Variants in OXR1 observed in about 807,000 individuals in gnomAD.
OXR1 encodes the protein oxidation resistance 1.
Under a neutral mutation model 104.6 loss-of-function variants are expected in OXR1, and 41 were observed. The ratio of observed to expected loss-of-function variants is 0.39; its 90% CI spans 0.31 to 0.51. OXR1 has a LOEUF of 0.51. Ranked by LOEUF, OXR1 falls within the 20% of genes least tolerant of loss-of-function variation. The probability of loss-of-function intolerance (pLI) is 0.77; values close to 1 mark genes in which losing one functional copy is unlikely to be tolerated. For missense variants in OXR1, 955 were observed against 1,031.9 expected, an observed-to-expected ratio of 0.93 and a Z score of 1.02; for synonymous variants, 348 against 348.4, an observed-to-expected ratio of 1.00 and a Z score of 0.01.
chr8:106,501,843 A>T (rs754659533), intron 2 of OXR1, among the ~76,000 whole-genome samples: 3 of 152,200 alleles, frequency 2.0e-5, no homozygotes, highest in Non-Finnish European at 4.4e-5. Context: ...GTATTCTTAG[A>T]ATATTATTCT....
chr8:106,310,895 A>G (rs951441934), intron 1 of OXR1, among the ~76,000 whole-genome samples: 1 of 152,052 alleles, frequency 6.6e-6, no homozygotes, highest in African/African-American at 2.4e-5. Context: ...TTTGTGCCTC[A>G]GGTTGGATCA....
intron 1 of OXR1, chr8:106,272,642 C>T (rs868093503): frequency 6.6e-6 from 1 of 152,202 alleles, no homozygotes; most frequent in Non-Finnish European, 1.5e-5. Flanking sequence ...ATGGCCAGGG[C>T]ATGTCTTCTT....
intron 3 of OXR1, among the ~76,000 whole-genome samples, chr8:106,645,800 G>A (rs1824025430): frequency 6.6e-6 from 1 of 152,170 alleles, no homozygotes; most frequent in Non-Finnish European, 1.5e-5. Flanking sequence ...ATTATGTACA[G>A]CACTTAGGAG....
intron 3 of OXR1, among the ~76,000 whole-genome samples, chr8:106,604,408 G>A (rs138287856): frequency 7.1e-4 from 108 of 152,066 alleles, no homozygotes; most frequent in African/African-American, 2.5e-3. Context: ...CACCCGCCTC[G>A]GCCTCCCAAA....
rs566688212 is a variant in OXR1 at position 106,596,333 on chromosome 8, C to T, written c.220+77194C>T. ...TGGTGGTGTGTGTCTGTAATCCCTG[C>T]TACTTGGGAGGCTGAGGCATGAGAA... On this transcript the variant is annotated intron_variant, in intron 3 of 16. Coordinates refer to ENST00000517566, the MANE Select transcript of OXR1 (RefSeq NM_001198533.2). Among the ~76,000 whole-genome samples the T allele has an allele frequency of 2.6e-5, 4 of 152,032 alleles. No individual in the cohort carries two copies. In the South Asian group the frequency reaches 8.3e-4, roughly 32 times the overall value.
At chr8:106,469,904 A>G (rs1293559369) in intron 2 of OXR1, among the ~76,000 whole-genome samples, 1 of 151,804 alleles carries the variant, frequency 6.6e-6, no homozygotes, top group African/African-American at 2.4e-5. Context: ...GTGCAAATGA[A>G]GTGAAACAAA....
At chr8:106,465,750 A>G (rs1398554158) in intron 2 of OXR1, among the ~76,000 whole-genome samples, 1 of 151,982 alleles carries the variant, frequency 6.6e-6, no homozygotes, top group Non-Finnish European at 1.5e-5. Flanking sequence ...TATGAGAAAC[A>G]TCATGACCTG....
intron 16 of OXR1, among the ~76,000 whole-genome samples, chr8:106,750,290 T>C (rs980665418): frequency 2.0e-5 from 3 of 151,290 alleles, no homozygotes; most frequent in African/African-American, 7.3e-5. Context: ...TCCTGGTCTG[T>C]ATCATAAATA....
chr8:106,304,609 T>C (rs945928087), intron 1 of OXR1, among the ~76,000 whole-genome samples: 7 of 152,202 alleles, frequency 4.6e-5, no homozygotes, highest in African/African-American at 1.7e-4. Context: ...CAAAAATATT[T>C]TCTTTTCAAT....
intron 1 of OXR1, among the ~76,000 whole-genome samples, chr8:106,289,221 A>G (rs916081777): frequency 1.3e-5 from 2 of 152,224 alleles, no homozygotes; most frequent in Admixed American, 6.5e-5. Context: ...ATAGGAAAAT[A>G]AGTTATCAAG....
chr8:106,556,317 A>G (rs1816280158), intron 3 of OXR1, among the ~76,000 whole-genome samples: 1 of 152,144 alleles, frequency 6.6e-6, no homozygotes, highest in South Asian at 2.1e-4. Flanking sequence ...CTTACTAATA[A>G]TAATTTTTAA....
At chr8:106,403,416 T>A (rs1240257448) in intron 2 of OXR1, among the ~76,000 whole-genome samples, 1 of 152,214 alleles carries the variant, frequency 6.6e-6, no homozygotes, top group Non-Finnish European at 1.5e-5. Context: ...TTGAATTAAG[T>A]TTTCCCAAAT....
intron 1 of OXR1, among the ~76,000 whole-genome samples, chr8:106,285,064 C>T (rs1368778669): frequency 1.3e-5 from 2 of 152,092 alleles, no homozygotes; most frequent in African/African-American, 2.4e-5. Flanking sequence ...GTGTGCTGCA[C>T]CCATTAACTC....
At chr8:106,349,549 G>A (rs1389849274) in intron 1 of OXR1, among the ~76,000 whole-genome samples, 1 of 152,002 alleles carries the variant, frequency 6.6e-6, no homozygotes, top group Admixed American at 6.6e-5. Flanking sequence ...AAAAATCAGG[G>A]AAAATTATTC....
intron 2 of OXR1, among the ~76,000 whole-genome samples, chr8:106,388,267 T>C (rs961468837): frequency 2.6e-5 from 4 of 152,184 alleles, no homozygotes; most frequent in African/African-American, 7.2e-5. Flanking sequence ...GTAAATAAAA[T>C]TTGTGGCTAA....
chr8:106,352,677 G>T (rs183266636), intron 1 of OXR1, among the ~76,000 whole-genome samples: 2 of 152,188 alleles, frequency 1.3e-5, no homozygotes, highest in East Asian at 3.9e-4. Context: ...TATTGATGGG[G>T]AAATATTGTA....
intron 2 of OXR1, among the ~76,000 whole-genome samples, chr8:106,429,573 A>G (rs944967504): frequency 2.0e-5 from 3 of 151,658 alleles, no homozygotes; most frequent in African/African-American, 7.3e-5. Flanking sequence ...AGGCAGGAGA[A>G]TCACTTGAAC....
intron 1 of OXR1, among the ~76,000 whole-genome samples, chr8:106,304,062 CCTGA>C (rs1813376043): frequency 6.6e-6 from 1 of 152,086 alleles, no homozygotes; most frequent in South Asian, 2.1e-4. Flanking sequence ...TGATTGTAAT[CCTGA>C]CTAAATGTGT....
chr8:106,490,800 C>T (rs1811034395), intron 2 of OXR1, among the ~76,000 whole-genome samples: 1 of 152,066 alleles, frequency 6.6e-6, no homozygotes, highest in South Asian at 2.1e-4. Flanking sequence ...TATTCTGTCA[C>T]CTTGGCTTGG....
Sources: allele counts gnomAD v4.1 joint callset (sites outside exome capture counted in the v4.1 genomes callset), GRCh38; gene constraint gnomAD v4.1.1; transcripts MANE v1.5; gene names NCBI Gene and HGNC (gene_info 2026-07-23, HGNC 2026-07-21).